Variants in NCDN observed in about 807,000 individuals in gnomAD.
NCDN encodes the protein neurochondrin.
Under a neutral mutation model 60.7 loss-of-function variants are expected in NCDN, and 9 were observed. That is an observed-to-expected ratio of 0.15 (90% confidence interval 0.09 to 0.26). The LOEUF is 0.26. Among genes scored for constraint, NCDN ranks in the 10% least tolerant of loss-of-function variants. The pLI, the probability that NCDN is intolerant of heterozygous loss-of-function variation, is 1.00. For missense variants in NCDN, 578 were observed against 975.2 expected, an observed-to-expected ratio of 0.59 and a Z score of 5.42; for synonymous variants, 409 against 442.5, an observed-to-expected ratio of 0.92 and a Z score of 0.95.
At position 35,565,128 on chromosome 1, in the gene NCDN, C is replaced by G; in HGVS notation, c.1754-99C>G. On this transcript the variant is annotated intron_variant, in intron 6 of 6. Coordinates refer to ENST00000373243, the MANE Select transcript of NCDN (RefSeq NM_014284.3). The surrounding 1 kb of genome is among the most constrained non-coding windows in gnomAD (Gnocchi z 8.9). ...GCAGGCAGTCTGATTCCAGGCTGTG[C>G]CCTGGCTCCTGCATGTGTCTACACA... 4 of 1,221,150 alleles carry G rather than the reference C, an allele frequency of 3.3e-6. No homozygotes were observed. Among genetic ancestry groups the G allele is most frequent in the Non-Finnish European group, 4.6e-6 (4 of 872,170 alleles). The allele number at this position is 1,221,150 out of a possible 1,614,324, so 75.6% of individuals were successfully genotyped here. A position where few individuals can be genotyped will look rare whatever the true frequency, so the allele number is the denominator to read the frequency against.
Position 35,558,453 on chromosome 1 carries a change from A to T in NCDN, c.33+230A>T, listed in dbSNP as rs1481508053. On this transcript the variant is annotated intron_variant, in intron 1 of 6. Coordinates refer to ENST00000373243, the MANE Select transcript of NCDN (RefSeq NM_014284.3). This position sits in a 1 kb window ranked among gnomAD's most constrained non-coding sequence, Gnocchi z 6.3. ...CCGCCGCCGCTGCTGCTGCTGCTGC[A>T]GCCTCTACCCGAGGGAGGGAAAGGA... The T allele has an allele frequency of 1.4e-5, 20 of 1,433,028 alleles. No homozygotes were observed. In the South Asian group the frequency reaches 2.2e-4, roughly 16 times the overall value. 88.8% of individuals were successfully genotyped at this position (1,433,028 alleles called of 1,614,324 possible). A position where few individuals can be genotyped will look rare whatever the true frequency, so the allele number is the denominator to read the frequency against.
chr1:35,565,750 C>G lies in NCDN; in HGVS notation c.*87C>G, dbSNP rs745545529. The G allele has an allele frequency of 3.6e-6, 5 of 1,371,314 alleles. No homozygotes were observed. The highest frequency in any genetic ancestry group is 3.9e-6 in the Non-Finnish European group (4 of 1,032,928). The allele number at this position is 1,371,314 out of a possible 1,614,324, so 84.9% of individuals were successfully genotyped here. On this transcript the variant is annotated 3_prime_UTR_variant, in exon 7 of 7. Coordinates refer to ENST00000373243, the MANE Select transcript of NCDN (RefSeq NM_014284.3). The surrounding 1 kb of genome is among the most constrained non-coding windows in gnomAD (Gnocchi z 8.9). ...TCCCTGAAGCCCCCAATCTGGCCCC[C>G]CCCTCCCCAGACTTCCTCCCCAAAA... is the stretch of plus-strand genomic sequence containing the variant.
chr1:35,558,531 G>T lies in NCDN; in HGVS notation c.33+308G>T. 7.4e-7 allele frequency: 1 copy of T among 1,342,800 alleles called. No homozygotes were observed. The highest frequency in any genetic ancestry group is 9.6e-7 in the Non-Finnish European group (1 of 1,046,454). 83.2% of individuals were successfully genotyped at this position (1,342,800 alleles called of 1,614,324 possible). A position where few individuals can be genotyped will look rare whatever the true frequency, so the allele number is the denominator to read the frequency against. ...CTGAGAGCCCTGGCTGGAGGGGTGG[G>T]GTCCCCAAAGGGGCCTCCAAGCCTT... is the stretch of plus-strand genomic sequence containing the variant. On this transcript the variant is annotated intron_variant, in intron 1 of 6. Coordinates refer to ENST00000373243, the MANE Select transcript of NCDN (RefSeq NM_014284.3). This position sits in a 1 kb window ranked among gnomAD's most constrained non-coding sequence, Gnocchi z 6.3.
At position 35,560,017 on chromosome 1, in the gene NCDN, C is replaced by T. The variant is rs1472866102; in HGVS notation, c.175-309C>T. On this transcript the variant is annotated intron_variant, in intron 2 of 6. Coordinates refer to ENST00000373243, the MANE Select transcript of NCDN (RefSeq NM_014284.3). The surrounding 1 kb of genome is among the most constrained non-coding windows in gnomAD (Gnocchi z 7.6). ...GATCTTAAAACATTGAGTTCTAAGCCCCTTCCATCCCAGGTTGTGGGCATT... is the reference window on the plus strand; with the variant it reads ...GATCTTAAAACATTGAGTTCTAAGCTCCTTCCATCCCAGGTTGTGGGCATT... Among the ~76,000 whole-genome samples, 1 of 152,052 alleles carries T rather than the reference C, an allele frequency of 6.6e-6. No individual in the cohort carries two copies. Among genetic ancestry groups the T allele is most frequent in the Admixed American group, 6.6e-5 (1 of 15,262 alleles).
Position 35,559,102 on chromosome 1 carries a change from C to T in NCDN, c.34-5C>T. ...AGGGATGCTCAGTCCCTCTTGTGTT[C>T]ACAGTTGGGCAAGGCGAGCATCATG... On this transcript the variant is annotated splice_region_variant and splice_polypyrimidine_tract_variant and intron_variant, in intron 1 of 6. Transcript: ENST00000373243. The T allele has an allele frequency of 6.9e-7, 1 of 1,440,344 alleles. No individual in the cohort carries two copies. The highest frequency in any genetic ancestry group is 9.3e-7 in the Non-Finnish European group (1 of 1,071,200). The allele number at this position is 1,440,344 out of a possible 1,614,324, so 89.2% of individuals were successfully genotyped here. A position where few individuals can be genotyped will look rare whatever the true frequency, so the allele number is the denominator to read the frequency against.
In NCDN at chr1:35,560,625, C is replaced by T. The variant is rs1463110342; in HGVS notation, c.474C>T (p.Cys158=). The T allele has an allele frequency of 1.2e-6, 2 of 1,613,666 alleles. No individual in the cohort carries two copies. Among genetic ancestry groups the T allele is most frequent in the Admixed American group, 3.3e-5 (2 of 60,034 alleles). The change falls in exon 3 of 7, where the codon TGC becomes TGT. Residue 158 remains cysteine (C), a synonymous_variant. Transcript: ENST00000373243. The surrounding 1 kb of genome is among the most constrained non-coding windows in gnomAD (Gnocchi z 7.6). The part of the protein sequence containing the change: ...RRSMIDDTYQ[C]LTAVAGTPRG... ...CCATGATTGATGACACCTACCAGTG[C>T]CTGACGGCTGTAGCAGGCACACCCA... is the stretch of plus-strand genomic sequence containing the variant.
rs1340193212 is a variant in NCDN, at chr1:35,562,964, T to G, written c.1386-238T>G. Among the ~76,000 whole-genome samples the G allele has an allele frequency of 6.6e-6, 1 of 152,170 alleles. No individual in the cohort carries two copies. Among genetic ancestry groups the G allele is most frequent in the African/African-American group, 2.4e-5 (1 of 41,428 alleles). On this transcript the variant is annotated intron_variant, in intron 4 of 6. Transcript: ENST00000373243. This position sits in a 1 kb window ranked among gnomAD's most constrained non-coding sequence, Gnocchi z 6.8. ...AGAAGTCTCATTCACATATGAAAGA[T>G]TAGGAAACTGAGGCTCATAGAGATT...
intron 6 of NCDN, among the ~76,000 whole-genome samples, chr1:35,564,706 A>G (rs1489784592): frequency 1.3e-5 from 2 of 152,164 alleles, no homozygotes; most frequent in Non-Finnish European, 2.9e-5. Context: ...CTCACCCTCA[A>G]ATACCACCAG....
rs1648829100 is a variant in NCDN at position 35,565,120 on chromosome 1, A to G, written c.1754-107A>G. On this transcript the variant is annotated intron_variant, in intron 6 of 6. Coordinates refer to ENST00000373243, the MANE Select transcript of NCDN (RefSeq NM_014284.3). The surrounding 1 kb of genome is among the most constrained non-coding windows in gnomAD (Gnocchi z 8.9). ...GTTTCAACGCAGGCAGTCTGATTCC[A>G]GGCTGTGCCCTGGCTCCTGCATGTG... 1.7e-6 allele frequency: 2 copies of G among 1,161,702 alleles called. No homozygotes were observed. Among genetic ancestry groups the G allele is most frequent in the Non-Finnish European group, 2.4e-6 (2 of 821,970 alleles). 72.0% of individuals were successfully genotyped at this position (1,161,702 alleles called of 1,614,324 possible).
Position 35,560,400 on chromosome 1 carries a change from C to T in NCDN, c.249C>T (p.Thr83=). The change falls in exon 3 of 7, where the codon ACC becomes ACT. Residue 83 remains threonine (T), a synonymous_variant. Transcript: ENST00000373243. The surrounding 1 kb of genome is among the most constrained non-coding windows in gnomAD (Gnocchi z 7.6). Reference sequence around the variant, plus strand: ...GGATCTTCGATGCTGTCGGCTTCACCTTCCCCAATCGTCTCCTGACCACCA... The same window carrying T: ...GGATCTTCGATGCTGTCGGCTTCACTTTCCCCAATCGTCTCCTGACCACCA... ...RRRIFDAVGF[T]FPNRLLTTKE... is the part of the protein sequence containing the mutation. 2 of 1,614,044 alleles carry T rather than the reference C, an allele frequency of 1.2e-6. No homozygotes were observed. The highest frequency in any genetic ancestry group is 1.7e-6 in the Non-Finnish European group (2 of 1,180,042).
intron 2 of NCDN, 131 bp downstream of exon 2, chr1:35,559,378 A>G: frequency 1.7e-6 from 2 of 1,179,112 alleles, no homozygotes; most frequent in Non-Finnish European, 2.4e-6. Flanking sequence ...AAGGCCCAAG[A>G]CCCCTACCTT....
Position 35,565,366 on chromosome 1 carries a change from C to T in NCDN, c.1893C>T (p.Ala631=), listed in dbSNP as rs747129212. 13 of 1,613,488 alleles carry T rather than the reference C, an allele frequency of 8.1e-6. No homozygotes were observed. The highest frequency in any genetic ancestry group is 2.2e-5 in the East Asian group (1 of 44,856). ...ALSPEYEGIW[A]DLQELWFLGM... is the part of the protein sequence containing the mutation. ...CCCCTGAGTATGAGGGCATCTGGGC[C>T]GACCTGCAGGAGCTCTGGTTCCTGG... The change falls in exon 7 of 7, where the codon GCC becomes GCT. Residue 631 remains alanine (A), a synonymous_variant. Coordinates refer to ENST00000373243, the MANE Select transcript of NCDN (RefSeq NM_014284.3). The surrounding 1 kb of genome is among the most constrained non-coding windows in gnomAD (Gnocchi z 8.9).
chr1:35,559,058 C>G, intron 1 of NCDN, 49 bp from the exon 2 acceptor site: 1 of 1,420,744 alleles, frequency 7.0e-7, no homozygotes. Context: ...CCCACCCCAC[C>G]CCCGTCCCTC....
intron 6 of NCDN, among the ~76,000 whole-genome samples, chr1:35,564,917 T>A (rs1648823369): frequency 6.6e-6 from 1 of 152,040 alleles, no homozygotes; most frequent in Non-Finnish European, 1.5e-5. Flanking sequence ...TCTGACCCTG[T>A]GACTCACCCC....
rs1648778513 is a variant in NCDN at position 35,563,670 on chromosome 1, A to G, written c.1611-97A>G. ...CCCCCAGATGCTATGTTTGGGGCCC[A>G]AAGTTAATCACCCTACTGCCTAATT... On this transcript the variant is annotated intron_variant, in intron 5 of 6. Transcript: ENST00000373243. This position sits in a 1 kb window ranked among gnomAD's most constrained non-coding sequence, Gnocchi z 6.6. 1 of 1,472,448 alleles carries G rather than the reference A, an allele frequency of 6.8e-7. No individual in the cohort carries two copies. Among genetic ancestry groups the G allele is most frequent in the Middle Eastern group, 1.8e-4 (1 of 5,588 alleles). The allele number at this position is 1,472,448 out of a possible 1,614,324, so 91.2% of individuals were successfully genotyped here.
At position 35,560,389 on chromosome 1, in the gene NCDN, G is replaced by C. The variant is rs778725372; in HGVS notation, c.238G>C (p.Val80Leu). 40 of 1,614,022 alleles carry C rather than the reference G, an allele frequency of 2.5e-5. No individual in the cohort carries two copies. The highest frequency in any genetic ancestry group is 3.3e-5 in the Non-Finnish European group (39 of 1,180,044). Residue 80 changes from valine to leucine, a missense_variant, in exon 3 of 7, where the codon GTC (valine) becomes CTC (leucine). This residue lies in a region of NCDN where 363 missense variants were observed against 583.6 expected (regional missense o/e 0.62). Transcript: ENST00000373243. The surrounding 1 kb of genome is among the most constrained non-coding windows in gnomAD (Gnocchi z 7.6). ...AACTCGGCGGCGGATCTTCGATGCT[G>C]TCGGCTTCACCTTCCCCAATCGTCT... ...AKTRRRIFDA[V>L]GFTFPNRLLT...
Position 35,561,792 on chromosome 1 carries a change from C to T in NCDN, c.1143+498C>T, listed in dbSNP as rs1010990221. Among the ~76,000 whole-genome samples, 5 of 152,152 alleles carry T rather than the reference C, an allele frequency of 3.3e-5. No homozygotes were observed. The highest frequency in any genetic ancestry group is 7.3e-5 in the Non-Finnish European group (5 of 68,028). On this transcript the variant is annotated intron_variant, in intron 3 of 6. Coordinates refer to ENST00000373243, the MANE Select transcript of NCDN (RefSeq NM_014284.3). This position sits in a 1 kb window ranked among gnomAD's most constrained non-coding sequence, Gnocchi z 4.9. ...TCCCCTACATCCCCTCCTGCCTCCC[C>T]GCCTGAGAGGCCAGCTGTCCTGTCC...
At chr1:35,559,045 A>ACCCCCCCCC in intron 1 of NCDN, 62 bp from the exon 2 acceptor site, 1 of 846,332 alleles carries the variant, frequency 1.2e-6, no homozygotes, top group South Asian at 1.9e-5. Flanking sequence ...CTCCACTCTC[A>ACCCCCCCCC]CCCCCACCCC....
At position 35,558,553 on chromosome 1, in the gene NCDN, C is replaced by A. The variant is rs1355037663; in HGVS notation, c.33+330C>A. 9 of 1,313,846 alleles carry A rather than the reference C, an allele frequency of 6.9e-6. No individual in the cohort carries two copies. The highest frequency in any genetic ancestry group is 8.7e-6 in the Non-Finnish European group (9 of 1,029,326). 81.4% of individuals were successfully genotyped at this position (1,313,846 alleles called of 1,614,324 possible). On this transcript the variant is annotated intron_variant, in intron 1 of 6. Transcript: ENST00000373243. The surrounding 1 kb of genome is among the most constrained non-coding windows in gnomAD (Gnocchi z 6.3). ...TGGGGTCCCCAAAGGGGCCTCCAAG[C>A]CTTCCCTGTTGAGCGTCTTGTATTC...
Sources: allele counts gnomAD v4.1 joint callset (sites outside exome capture counted in the v4.1 genomes callset), GRCh38; gene constraint gnomAD v4.1.1; regional missense constraint gnomAD v4.1.1; non-coding constraint Gnocchi (gnomAD v3.1); transcripts MANE v1.5; gene names NCBI Gene and HGNC (gene_info 2026-07-23, HGNC 2026-07-21).